Variants in JHY observed in about 807,000 individuals in gnomAD.
JHY encodes the protein jhy protein homolog.
Under a neutral mutation model 78.0 loss-of-function variants are expected in JHY, and 69 were observed. The observed-to-expected ratio is 0.88, with a 90% CI of 0.73 to 1.08. JHY has a LOEUF of 1.08. Ranked by LOEUF, JHY falls within the 50% of genes least tolerant of loss-of-function variation. The pLI is 0.00. For synonymous variants in JHY, 368 were observed against 342.6 expected, an observed-to-expected ratio of 1.07 and a Z score of -0.82; for missense variants, 944 against 927.8, an observed-to-expected ratio of 1.02 and a Z score of -0.23.
intron 2 of JHY, among the ~76,000 whole-genome samples, chr11:122,894,318 A>C (rs1380724115): frequency 6.6e-6 from 1 of 151,124 alleles, no homozygotes; most frequent in Non-Finnish European, 1.5e-5. Flanking sequence ...AAAACAAAAC[A>C]AAAAAAAAGC....
chr11:122,907,477 TG>T (rs1863016885), intron 3 of JHY, among the ~76,000 whole-genome samples: 1 of 152,106 alleles, frequency 6.6e-6, no homozygotes, highest in Non-Finnish European at 1.5e-5. Context: ...GAAGTTTATA[TG>T]GGGGGAATGG....
rs1054967184 is a variant in JHY at position 122,935,842 on chromosome 11, A to G, written c.1634+767A>G. On this transcript the variant is annotated intron_variant, in intron 5 of 8. Transcript: ENST00000227349. The surrounding 1 kb of genome is among the most constrained non-coding windows in gnomAD (Gnocchi z 4.5). Reference sequence around the variant, plus strand: ...AAATTATGATATTTAGTATCATGGAACCACTAAAAATTATGGTTATGAGGA... The same window carrying G: ...AAATTATGATATTTAGTATCATGGAGCCACTAAAAATTATGGTTATGAGGA... Among the ~76,000 whole-genome samples the G allele has an allele frequency of 6.6e-6, 1 of 152,204 alleles. No homozygotes were observed. The highest frequency in any genetic ancestry group is 1.5e-5 in the Non-Finnish European group (1 of 68,040).
Position 122,949,805 on chromosome 11 carries a change from G to T in JHY, c.1929+3013G>T, listed in dbSNP as rs186660078. On this transcript the variant is annotated intron_variant, in intron 6 of 8. Transcript: ENST00000227349. ...GAATCCCCGGTTCCACTGTAAGTAA[G>T]GAGAAAGGTGTTCCTTTTTTCTTTT... Among the ~76,000 whole-genome samples, 4 of 151,944 alleles carry T rather than the reference G, an allele frequency of 2.6e-5. No homozygotes were observed. The East Asian group carries it at 7.8e-4, about 29-fold the overall frequency.
intron 7 of JHY, among the ~76,000 whole-genome samples, chr11:122,957,085 G>T (rs1269145008): frequency 6.6e-6 from 1 of 152,164 alleles, no homozygotes; most frequent in Non-Finnish European, 1.5e-5. Flanking sequence ...AATAAATTGG[G>T]TAAATGCAAC....
intron 2 of JHY, among the ~76,000 whole-genome samples, chr11:122,895,361 C>T (rs1862716466): frequency 6.6e-6 from 1 of 152,166 alleles, no homozygotes; most frequent in African/African-American, 2.4e-5. Context: ...TGCTTTTATT[C>T]ACCTCCTCAA....
chr11:122,886,296 A>G (rs957962501), intron 2 of JHY, 103 bp downstream of exon 2: 3 of 1,109,516 alleles, frequency 2.7e-6, no homozygotes, highest in Non-Finnish European at 2.5e-6. Flanking sequence ...TGCCCTAATG[A>G]GCGCCGTGTG....
chr11:122,888,074 A>G (rs892550629), intron 2 of JHY, among the ~76,000 whole-genome samples: 4 of 151,418 alleles, frequency 2.6e-5, no homozygotes, highest in Non-Finnish European at 4.4e-5. Context: ...CACTGGGGCT[A>G]TCTAGTTGAA....
chr11:122,957,604 A>G (rs1213327491), intron 8 of JHY, 113 bp downstream of exon 8: 2 of 1,187,532 alleles, frequency 1.7e-6, no homozygotes, highest in African/African-American at 3.5e-5. Context: ...CGTCTTGCCC[A>G]GGATGGTCAT....
At chr11:122,946,005 T>C (rs528128266) in intron 5 of JHY, among the ~76,000 whole-genome samples, 9 of 152,328 alleles carry the variant, frequency 5.9e-5, no homozygotes, top group Admixed American at 5.9e-4. Flanking sequence ...AGGACCAAGA[T>C]CTTGCATATC....
chr11:122,905,678 G>A, intron 3 of JHY: 16 of 782,848 alleles, frequency 2.0e-5, no homozygotes, highest in Non-Finnish European at 2.5e-5. Context: ...GACCAGCCTG[G>A]CCAACATGGT....
At chr11:122,948,104 A>G (rs1864004714) in intron 6 of JHY, among the ~76,000 whole-genome samples, 1 of 152,150 alleles carries the variant, frequency 6.6e-6, no homozygotes, top group Non-Finnish European at 1.5e-5. Context: ...AGACCACTTG[A>G]GAGGAATTAA....
At position 122,886,201 on chromosome 11, in the gene JHY, A is replaced by C. The variant is rs201867132; in HGVS notation, c.344+8A>C. 2 of 1,601,940 alleles carry C rather than the reference A, an allele frequency of 1.2e-6. No individual in the cohort carries two copies. Among genetic ancestry groups the C allele is most frequent in the South Asian group, 2.2e-5 (2 of 89,480 alleles). On this transcript the variant is annotated splice_region_variant and intron_variant, in intron 2 of 8. Transcript: ENST00000227349. ...CCAGGGCGCCAATAACAGGTAAGGA[A>C]TTGGCTTGTGTAAGATAATAATGGG...
In JHY at chr11:122,919,493, C is replaced by G. The variant is rs147159902; in HGVS notation, c.865-5404C>G. ...GCATCAGCGAAACTGAAAGGTACAG[C>G]AGGAAGGGAGCAAGGGGCCACAGCT... On this transcript the variant is annotated intron_variant, in intron 3 of 8. Transcript: ENST00000227349. Among the ~76,000 whole-genome samples, 4 of 151,918 alleles carry G rather than the reference C, an allele frequency of 2.6e-5. No homozygotes were observed. The East Asian group carries it at 7.8e-4, about 29-fold the overall frequency.
At chr11:122,926,333 A>G (rs556886565) in intron 4 of JHY, among the ~76,000 whole-genome samples, 91 of 152,178 alleles carry the variant, frequency 6.0e-4, no homozygotes, top group Non-Finnish European at 1.2e-3. Context: ...AGTCCTTTGA[A>G]AATTACTGAA....
Position 122,961,220 on chromosome 11 carries a change from G to C in JHY, c.*1775G>C. 1 of 460,476 alleles carries C rather than the reference G, an allele frequency of 2.2e-6. No homozygotes were observed. Among genetic ancestry groups the C allele is most frequent in the Non-Finnish European group, 4.1e-6 (1 of 243,838 alleles). 28.5% of individuals were successfully genotyped at this position (460,476 alleles called of 1,614,324 possible). A position where few individuals can be genotyped will look rare whatever the true frequency, so the allele number is the denominator to read the frequency against. On this transcript the variant is annotated 3_prime_UTR_variant, in exon 9 of 9. Transcript: ENST00000227349. ...TATATCTCCTAAAAATGAAACATTT[G>C]TTCCCTATACTGAGAGAACTCAATC...
At chr11:122,956,853 T>C (rs1864203230) in intron 7 of JHY, among the ~76,000 whole-genome samples, 1 of 152,174 alleles carries the variant, frequency 6.6e-6, no homozygotes, top group African/African-American at 2.4e-5. Context: ...GAAATGTGTA[T>C]GTTATGTGGT....
At chr11:122,924,864 A>G (rs201078096) in intron 3 of JHY, 33 bp from the exon 4 acceptor site, 1 of 1,536,820 alleles carries the variant, frequency 6.5e-7, no homozygotes, top group East Asian at 2.3e-5. Flanking sequence ...AAATGAATCC[A>G]GTTAACATGC....
chr11:122,918,071 T>C (rs1481854954), intron 3 of JHY, among the ~76,000 whole-genome samples: 2 of 151,432 alleles, frequency 1.3e-5, no homozygotes, highest in Non-Finnish European at 2.9e-5. Context: ...CAGCTAATTT[T>C]TGTATTTTTA....
intron 4 of JHY, among the ~76,000 whole-genome samples, chr11:122,926,445 G>C (rs2135343673): frequency 6.6e-6 from 1 of 150,498 alleles, no homozygotes; most frequent in South Asian, 2.1e-4. Context: ...AGAAAGAAGG[G>C]ACAGCCCGAA....
Sources: allele counts gnomAD v4.1 joint callset (sites outside exome capture counted in the v4.1 genomes callset), GRCh38; gene constraint gnomAD v4.1.1; non-coding constraint Gnocchi (gnomAD v3.1); transcripts MANE v1.5; gene names NCBI Gene and HGNC (gene_info 2026-07-23, HGNC 2026-07-21).